VTI1A: variants seen among roughly 807,000 people sequenced by gnomAD.
VTI1A encodes vesicle transport through interaction with t-SNAREs homolog 1A.
In VTI1A, 22 loss-of-function variants were observed where a neutral mutation model predicts 34.9. The observed-to-expected ratio is 0.63, with a 90% CI of 0.45 to 0.90. VTI1A has a LOEUF of 0.90. Among genes scored for constraint, VTI1A ranks in the 40% least tolerant of loss-of-function variants. The pLI is 0.00. For synonymous variants in VTI1A, 87 were observed against 97.3 expected (o/e 0.89, Z 0.62); for missense variants, 268 against 275.6 (o/e 0.97, Z 0.20).
chr10:112,779,344 T>G (rs1268439626), intron 7 of VTI1A, among the ~76,000 whole-genome samples: 1 of 152,236 alleles, frequency 6.6e-6, no homozygotes, highest in Non-Finnish European at 1.5e-5. Context: ...AAACAGTGGC[T>G]GCCAGCTTTA....
chr10:112,801,116 G>A (rs1852862912), intron 7 of VTI1A, among the ~76,000 whole-genome samples: 1 of 152,164 alleles, frequency 6.6e-6, no homozygotes, highest in Non-Finnish European at 1.5e-5. Flanking sequence ...AAAGGGTTAG[G>A]ACCCAGTGGG....
At chr10:112,833,967 G>T in the VTI1A span, among the ~76,000 whole-genome samples, 2 of 152,316 alleles carry the variant, frequency 1.3e-5, no homozygotes, top group East Asian at 3.9e-4. Context: ...AAGAGAGGTG[G>T]CAGAGGCTCA....
downstream of VTI1A, chr10:112,818,844 T>A: frequency 5.7e-6 from 1 of 175,590 alleles, no homozygotes; most frequent in East Asian, 9.9e-5. Flanking sequence ...TGAATATTTT[T>A]CCACTCCGAG....
intron 1 of VTI1A, among the ~76,000 whole-genome samples, chr10:112,457,290 A>G (rs948740462): frequency 2.0e-5 from 3 of 152,194 alleles, no homozygotes; most frequent in African/African-American, 4.8e-5. Context: ...TCTTTTGCAA[A>G]TTCTTGCTGT....
At chr10:112,623,579 T>G (rs1397510935) in intron 5 of VTI1A, among the ~76,000 whole-genome samples, 1 of 152,108 alleles carries the variant, frequency 6.6e-6, no homozygotes, top group Non-Finnish European at 1.5e-5. Flanking sequence ...GGTTGGCTAC[T>G]GTGTGGCCAG....
Position 112,618,534 on chromosome 10 carries a change from G to GAGAA in VTI1A, c.428-49681_428-49680insAAGA, listed in dbSNP as rs1554922612. On this transcript the variant is annotated intron_variant, in intron 5 of 7. Transcript: ENST00000393077. Reference sequence around the variant, plus strand: ...ATATATATATATATATAGAGAGAGAGAGAGAGAGAGAGAGTAAATGTCAAA... The same window carrying GAGAA: ...ATATATATATATATATAGAGAGAGAGAGAAAGAGAGAGAGAGAGTAAATGTCAAA... Among the ~76,000 whole-genome samples the GAGAA allele has an allele frequency of 2.2e-3, 279 of 128,824 alleles. 1 individual carries two copies. The highest frequency in any genetic ancestry group is 4.4e-3 in the South Asian group (17 of 3,848). 84.5% of individuals were successfully genotyped at this position (128,824 alleles called of 152,430 possible).
chr10:112,596,311 A>G (rs1844643026), intron 5 of VTI1A, among the ~76,000 whole-genome samples: 1 of 45,402 alleles, frequency 2.2e-5, no homozygotes, highest in South Asian at 3.5e-4. Flanking sequence ...TTAAAATATA[A>G]TAATAAAAAA....
At chr10:112,621,874 C>T (rs879451768) in intron 5 of VTI1A, among the ~76,000 whole-genome samples, 14 of 152,188 alleles carry the variant, frequency 9.2e-5, no homozygotes, top group African/African-American at 3.4e-4. Flanking sequence ...CCACGCTATA[C>T]GCTCCTTATA....
At chr10:112,785,037 G>C (rs1412790031) in intron 7 of VTI1A, among the ~76,000 whole-genome samples, 1 of 152,206 alleles carries the variant, frequency 6.6e-6, no homozygotes, top group African/African-American at 2.4e-5. Context: ...GGCCCCCGTT[G>C]GCTGTGGATT....
intron 5 of VTI1A, among the ~76,000 whole-genome samples, chr10:112,593,086 C>T (rs1236191222): frequency 1.3e-5 from 2 of 152,238 alleles, no homozygotes; most frequent in Admixed American, 6.5e-5. Context: ...ATGATCTCCT[C>T]TCCCATCTTC....
chr10:112,678,582 C>T (rs1360099609), intron 7 of VTI1A, among the ~76,000 whole-genome samples: 1 of 152,204 alleles, frequency 6.6e-6, no homozygotes, highest in Non-Finnish European at 1.5e-5. Flanking sequence ...TCTCCCTCCA[C>T]AAATCTCCCC....
At chr10:112,814,942 T>C (rs1322314805) in intron 7 of VTI1A, among the ~76,000 whole-genome samples, 2 of 151,976 alleles carry the variant, frequency 1.3e-5, no homozygotes, top group African/African-American at 2.4e-5. Context: ...CCTTTTAAAT[T>C]AGAAAGAGAA....
intron 5 of VTI1A, among the ~76,000 whole-genome samples, chr10:112,578,439 T>A (rs1843794589): frequency 6.6e-6 from 1 of 152,066 alleles, no homozygotes; most frequent in African/African-American, 2.4e-5. Context: ...AAGAATAGGT[T>A]TGGAGGGCAG....
rs1590147014 is a variant in VTI1A, at chr10:112,748,141, C to A, written c.561-67149C>A. ...CAGCACTAGGATTCCTGACAAGAGACCCCTTCCACCATAGGCTGCTGACAT... is the reference window on the plus strand; with the variant it reads ...CAGCACTAGGATTCCTGACAAGAGAACCCTTCCACCATAGGCTGCTGACAT... On this transcript the variant is annotated intron_variant, in intron 7 of 7. Transcript: ENST00000393077. Among the ~76,000 whole-genome samples, 4 of 152,268 alleles carry A rather than the reference C, an allele frequency of 2.6e-5. 1 individual carries two copies. In the South Asian group the frequency reaches 8.3e-4, roughly 32 times the overall value.
At chr10:112,613,230 A>G (rs890397764) in intron 5 of VTI1A, among the ~76,000 whole-genome samples, 9 of 152,030 alleles carry the variant, frequency 5.9e-5, no homozygotes, top group Non-Finnish European at 8.8e-5. Flanking sequence ...TTAGTTGCTG[A>G]AAAAAAAGTT....
chr10:112,683,579 T>C (rs1431241192), intron 7 of VTI1A, among the ~76,000 whole-genome samples: 2 of 152,212 alleles, frequency 1.3e-5, no homozygotes, highest in African/African-American at 4.8e-5. Flanking sequence ...TGAAGCAAGC[T>C]ATTCCTTTGA....
chr10:112,744,684 A>AAC (rs1850828413), intron 7 of VTI1A, among the ~76,000 whole-genome samples: 1 of 152,056 alleles, frequency 6.6e-6, no homozygotes, highest in Non-Finnish European at 1.5e-5. Context: ...GGTTTAAGCA[A>AAC]TCCTCCCACC....
chr10:112,534,176 T>C (rs933507328), intron 4 of VTI1A, among the ~76,000 whole-genome samples: 13 of 152,164 alleles, frequency 8.5e-5, no homozygotes, highest in Admixed American at 3.9e-4. Context: ...TTTGCTGGAC[T>C]GTTTCATAAT....
At chr10:112,543,266 A>G (rs1850938680) in intron 5 of VTI1A, among the ~76,000 whole-genome samples, 1 of 152,166 alleles carries the variant, frequency 6.6e-6, no homozygotes, top group Admixed American at 6.5e-5. Context: ...GTCTTCCACA[A>G]TGGTTGAACT....
Sources: gnomAD v4.1 joint callset for allele counts (sites outside exome capture counted in the v4.1 genomes callset) on GRCh38, gnomAD v4.1.1 for gene constraint, MANE v1.5 for transcripts, NCBI Gene and HGNC (gene_info 2026-07-23, HGNC 2026-07-21) for gene names.